Variants in CABP1 observed in about 807,000 individuals in gnomAD.
CABP1 encodes the protein calcium-binding protein 1.
Under a neutral mutation model 34.3 loss-of-function variants are expected in CABP1, and 17 were observed. That is an observed-to-expected ratio of 0.50 (90% CI 0.34 to 0.74). The LOEUF is 0.74. Among genes scored for constraint, CABP1 ranks in the 30% least tolerant of loss-of-function variants. CABP1 has a pLI of 0.01. For missense variants in CABP1, 373 were observed against 511.1 expected, an observed-to-expected ratio of 0.73 and a Z score of 2.61; for synonymous variants, 198 against 229.2, an observed-to-expected ratio of 0.86 and a Z score of 1.23.
Position 120,662,829 on chromosome 12 carries a change from C to T in CABP1, c.1087+1611C>T, listed in dbSNP as rs190368524. On this transcript the variant is annotated intron_variant, in intron 5 of 5. Coordinates refer to ENST00000316803, the MANE Select transcript of CABP1 (RefSeq NM_001033677.2). ...CCTCCCGAATAGCTGGGATTACAGG[C>T]GCCTACCACCACGTCCAGCTAGTTT... is the stretch of plus-strand genomic sequence containing the variant. 2.9e-3 allele frequency among the ~76,000 whole-genome samples: 436 copies of T among 151,996 alleles called. 5 individuals are homozygous for T. The highest frequency in any genetic ancestry group is 0.018 in the Admixed American group (281 of 15,268).
intron 5 of CABP1, among the ~76,000 whole-genome samples, chr12:120,663,299 G>C (rs964245794): frequency 6.6e-6 from 1 of 151,934 alleles, no homozygotes; most frequent in Non-Finnish European, 1.5e-5. Flanking sequence ...TTTTAAGACA[G>C]GGTCTTGCTC....
Position 120,640,761 on chromosome 12 carries a change from TCCCGCCGGGAGCCCCGTTCTCTG to T in CABP1, c.86_108del (p.Glu29GlyfsTer62). The T allele has an allele frequency of 3.4e-6, 4 of 1,161,388 alleles. No homozygotes were observed. The highest frequency in any genetic ancestry group is 3.9e-5 in the South Asian group (1 of 25,344). 71.9% of individuals were successfully genotyped at this position (1,161,388 alleles called of 1,614,324 possible). ...CCTCCAGCGCGTCCTCGGGCTTGGC[TCCCGCCGGGAGCCCCGTTCTCTG>T]CCCGCCGGGGGCCCCGCGCCGCGCC... On this transcript the variant is annotated frameshift_variant, in exon 1 of 6. Transcript: ENST00000316803. LOFTEE classifies it high-confidence loss of function. The surrounding 1 kb of genome is among the most constrained non-coding windows in gnomAD (Gnocchi z 6.2).
rs1366544277 is a variant in CABP1, at chr12:120,640,776, C to T, written c.91C>T (p.Arg31Cys). Residue 31 changes from arginine (R) to cysteine (C), a missense_variant, in exon 1 of 6, where the codon CGT becomes TGT. Coordinates refer to ENST00000316803, the MANE Select transcript of CABP1 (RefSeq NM_001033677.2). This position sits in a 1 kb window ranked among gnomAD's most constrained non-coding sequence, Gnocchi z 6.2. The part of the protein sequence containing the change: ...VLGLGSRREP[R>C]SLPAGGPAPR... ...CGGGCTTGGCTCCCGCCGGGAGCCC[C>T]GTTCTCTGCCCGCCGGGGGCCCCGC... is the stretch of plus-strand genomic sequence containing the variant. The T allele has an allele frequency of 1.7e-6, 2 of 1,146,030 alleles. No homozygotes were observed. Among genetic ancestry groups the T allele is most frequent in the Non-Finnish European group, 1.1e-6 (1 of 933,516 alleles). The allele number at this position is 1,146,030 out of a possible 1,614,324, so 71.0% of individuals were successfully genotyped here.
At chr12:120,671,643 C>T (rs902531971), downstream of CABP1, among the ~76,000 whole-genome samples, 1 of 152,232 alleles carries the variant, frequency 6.6e-6, no homozygotes, top group South Asian at 2.1e-4. Flanking sequence ...GCCACAGAAA[C>T]GCTGGTGCTA....
intron 1 of CABP1, among the ~76,000 whole-genome samples, chr12:120,657,369 A>G (rs2686555): frequency 0.52 from 78,509 of 152,058 alleles, 21,010 homozygotes; most frequent in Non-Finnish European, 0.6. Flanking sequence ...CTGAATGCAC[A>G]CTAAGGCCCT....
chr12:120,677,071 C>T, the CABP1 span, among the ~76,000 whole-genome samples: 1 of 146,534 alleles, frequency 6.8e-6, no homozygotes, highest in Non-Finnish European at 1.5e-5. Flanking sequence ...AAGGCATTCT[C>T]TTGAAGTTTG....
the CABP1 span, among the ~76,000 whole-genome samples, chr12:120,680,156 G>T: frequency 6.6e-6 from 1 of 152,232 alleles, no homozygotes; most frequent in African/African-American, 2.4e-5. Context: ...CTGGGCAACA[G>T]AGTAAGACTC....
rs755295433 is a variant in CABP1 at position 120,656,224 on chromosome 12, C to T, written c.655-3654C>T. 8 of 1,590,254 alleles carry T rather than the reference C, an allele frequency of 5.0e-6. No homozygotes were observed. In the South Asian group the frequency reaches 5.6e-5, roughly 11 times the overall value. ...GCGCAGTCATGCACAACCTGCTGGG[C>T]CCTGCCTGCATTTTCCTGCGCAAGG... On this transcript the variant is annotated intron_variant, in intron 1 of 5. Coordinates refer to ENST00000316803, the MANE Select transcript of CABP1 (RefSeq NM_001033677.2).
At chr12:120,665,061 G>T (rs981165682) in intron 5 of CABP1, among the ~76,000 whole-genome samples, 1 of 151,924 alleles carries the variant, frequency 6.6e-6, no homozygotes, top group Non-Finnish European at 1.5e-5. Context: ...AAGATCAGTG[G>T]GTGCAAGGGG....
chr12:120,669,529 T>C (rs1881178169), downstream of CABP1, among the ~76,000 whole-genome samples: 3 of 152,192 alleles, frequency 2.0e-5, no homozygotes, highest in Non-Finnish European at 4.4e-5. Context: ...GTCCCCAGTG[T>C]GTGGCTGCCT....
At chr12:120,680,865 G>A in the CABP1 span, among the ~76,000 whole-genome samples, 2 of 151,464 alleles carry the variant, frequency 1.3e-5, no homozygotes, top group Admixed American at 6.6e-5. Flanking sequence ...GAGGCAGGAG[G>A]AGAACCCAGG....
downstream of CABP1, among the ~76,000 whole-genome samples, chr12:120,669,712 C>A (rs1207207312): frequency 1.3e-5 from 2 of 151,916 alleles, no homozygotes; most frequent in Non-Finnish European, 2.9e-5. Context: ...CGAGATCACG[C>A]CACTTCACCC....
Position 120,660,046 on chromosome 12 carries a change from G to A in CABP1, c.685+138G>A. The stretch of plus-strand genomic sequence containing the variant: ...ATCTTCTGTGAAACCAGCTGCTGAA[G>A]GTGTGCACAGGAGGCAAGAGAAATG... On this transcript the variant is annotated intron_variant, in intron 2 of 5. Coordinates refer to ENST00000316803, the MANE Select transcript of CABP1 (RefSeq NM_001033677.2). The surrounding 1 kb of genome is among the most constrained non-coding windows in gnomAD (Gnocchi z 5.0). The A allele has an allele frequency of 7.9e-7, 1 of 1,271,920 alleles. No homozygotes were observed. The highest frequency in any genetic ancestry group is 1.1e-6 in the Non-Finnish European group (1 of 899,404). 78.8% of individuals were successfully genotyped at this position (1,271,920 alleles called of 1,614,324 possible).
the CABP1 span, among the ~76,000 whole-genome samples, chr12:120,674,961 G>A: frequency 6.6e-6 from 1 of 151,536 alleles, no homozygotes; most frequent in Non-Finnish European, 1.5e-5. Flanking sequence ...CCCCAGCTCT[G>A]CCACTTAAGG....
At chr12:120,672,978 C>T in the CABP1 span, among the ~76,000 whole-genome samples, 59 of 152,126 alleles carry the variant, frequency 3.9e-4, no homozygotes, top group Non-Finnish European at 4.4e-5. Flanking sequence ...TACAGTGATC[C>T]GAGATCGTGC....
chr12:120,660,589 T>C lies in CABP1; in HGVS notation c.830-142T>C. On this transcript the variant is annotated intron_variant, in intron 3 of 5. Transcript: ENST00000316803. The surrounding 1 kb of genome is among the most constrained non-coding windows in gnomAD (Gnocchi z 5.0). ...CCAATAACTGGCTCACAGGAAGAAC[T>C]GAACAGAGGGCTCTTGTTATTATTA... The C allele has an allele frequency of 6.7e-6, 5 of 741,128 alleles. No homozygotes were observed. The highest frequency in any genetic ancestry group is 1.2e-5 in the Non-Finnish European group (5 of 421,714). The allele number at this position is 741,128 out of a possible 1,614,324, so 45.9% of individuals were successfully genotyped here. A position where few individuals can be genotyped will look rare whatever the true frequency, so the allele number is the denominator to read the frequency against.
intron 1 of CABP1, among the ~76,000 whole-genome samples, chr12:120,646,731 T>C (rs1314666066): frequency 6.6e-6 from 1 of 152,160 alleles, no homozygotes; most frequent in East Asian, 1.9e-4. Context: ...CAGGCTGGTC[T>C]TGAACTCCTG....
At chr12:120,655,483 C>T in intron 1 of CABP1, 2 of 1,067,148 alleles carry the variant, frequency 1.9e-6, no homozygotes, top group Non-Finnish European at 2.3e-6. Flanking sequence ...CCACCTCTCA[C>T]ACCCTGCCTG....
At chr12:120,678,780 A>G in the CABP1 span, among the ~76,000 whole-genome samples, 1 of 151,962 alleles carries the variant, frequency 6.6e-6, no homozygotes, top group Non-Finnish European at 1.5e-5. Context: ...AATTTTAAAA[A>G]CCACATCCTG....
Sources: gnomAD v4.1 joint callset for allele counts (sites outside exome capture counted in the v4.1 genomes callset) on GRCh38, gnomAD v4.1.1 for gene constraint, Gnocchi (gnomAD v3.1) non-coding constraint, MANE v1.5 for transcripts, NCBI Gene and HGNC (gene_info 2026-07-23, HGNC 2026-07-21) for gene names.